The following PTPRD variants were observed in gnomAD, a reference collection of about 807,000 sequenced individuals.
PTPRD encodes the protein receptor-type tyrosine-protein phosphatase delta.
Under a neutral mutation model 214.5 loss-of-function variants are expected in PTPRD, and 34 were observed. The ratio of observed to expected loss-of-function variants is 0.16; its 90% CI spans 0.12 to 0.21. The LOEUF (loss-of-function observed/expected upper bound fraction) is 0.21, where lower values mean the gene tolerates loss of function less well. Among genes scored for constraint, PTPRD ranks in the 10% least tolerant of loss-of-function variants. The pLI is 1.00. For synonymous variants in PTPRD, 1,128 were observed against 845.7 expected, an observed-to-expected ratio of 1.33 and a Z score of -5.79; for missense variants, 2,545 against 2,398.7, an observed-to-expected ratio of 1.06 and a Z score of -1.27.
At chr9:10,596,279 C>T (rs142018101) in intron 2 of PTPRD, among the ~76,000 whole-genome samples, 150 of 151,638 alleles carry the variant, frequency 9.9e-4, no homozygotes, top group African/African-American at 3.6e-3. Flanking sequence ...ACATTGAACA[C>T]ACAAAAAGTA....
Position 10,003,342 on chromosome 9 carries a change from C to T in PTPRD, c.-472+30376G>A, listed in dbSNP as rs551391934. Among the ~76,000 whole-genome samples, 11 of 151,738 alleles carry T rather than the reference C, an allele frequency of 7.2e-5. No homozygotes were observed. The South Asian group carries it at 1.9e-3, about 26-fold the overall frequency. ...GATTTCATAAATAGATGATGCAGGA[C>T]CACTGAATAATTTTTAAGCAATAAA... On this transcript the variant is annotated intron_variant, in intron 4 of 45. Transcript: ENST00000381196.
chr9:8,602,044 C>G lies in PTPRD; in HGVS notation c.352+31273G>C, dbSNP rs753206415. Among the ~76,000 whole-genome samples, 101 of 151,974 alleles carry G rather than the reference C, an allele frequency of 6.6e-4. 1 individual carries two copies. Among genetic ancestry groups the G allele is most frequent in the Non-Finnish European group, 1.3e-3 (86 of 68,010 alleles). On this transcript the variant is annotated intron_variant, in intron 14 of 45. Coordinates refer to ENST00000381196, the MANE Select transcript of PTPRD (RefSeq NM_002839.4). Reference sequence around the variant, plus strand: ...TCAGATCTCCATCTCTACACTCAGTCACTTACACTTAGCAATGTGCTACCA... The same window carrying G: ...TCAGATCTCCATCTCTACACTCAGTGACTTACACTTAGCAATGTGCTACCA...
chr9:8,480,676 T>C (rs1373618092), intron 30 of PTPRD, among the ~76,000 whole-genome samples: 2 of 152,210 alleles, frequency 1.3e-5, no homozygotes, highest in Non-Finnish European at 2.9e-5. Context: ...ATATCAATTA[T>C]ATTTCAATAA....
At chr9:9,342,446 T>C (rs984066766) in intron 9 of PTPRD, among the ~76,000 whole-genome samples, 3 of 152,146 alleles carry the variant, frequency 2.0e-5, no homozygotes, top group African/African-American at 4.8e-5. Context: ...TGTTAGTAAA[T>C]AAAATGTATT....
intron 2 of PTPRD, among the ~76,000 whole-genome samples, chr9:10,363,534 G>A (rs2097437367): frequency 6.6e-6 from 1 of 152,170 alleles, no homozygotes; most frequent in Non-Finnish European, 1.5e-5. Context: ...ATGGTGCAAT[G>A]ATTTGTCTGG....
At chr9:9,839,310 C>T (rs2057693394) in intron 5 of PTPRD, among the ~76,000 whole-genome samples, 1 of 152,088 alleles carries the variant, frequency 6.6e-6, no homozygotes, top group Non-Finnish European at 1.5e-5. Context: ...ACCCCATTGT[C>T]TCAGCCCAAA....
chr9:8,926,071 C>A (rs10977363), intron 11 of PTPRD, among the ~76,000 whole-genome samples: 54,780 of 151,558 alleles, frequency 0.36, 9,968 homozygotes, highest in Middle Eastern at 0.41. Flanking sequence ...TCTTGCCATG[C>A]CTCATCACAC....
chr9:10,566,328 C>G (rs2065601054), intron 2 of PTPRD, among the ~76,000 whole-genome samples: 1 of 151,836 alleles, frequency 6.6e-6, no homozygotes, highest in Admixed American at 6.6e-5. Flanking sequence ...GTCAGCTTTT[C>G]TATAGAATGT....
At chr9:9,582,997 T>C (rs2091162889) in intron 7 of PTPRD, among the ~76,000 whole-genome samples, 1 of 152,050 alleles carries the variant, frequency 6.6e-6, no homozygotes, top group South Asian at 2.1e-4. Flanking sequence ...CATAACAAAA[T>C]ATGTGATTAA....
chr9:9,381,487 T>C (rs10977689), intron 9 of PTPRD, among the ~76,000 whole-genome samples: 1,956 of 151,488 alleles, frequency 0.013, 29 homozygotes, highest in East Asian at 0.074. Flanking sequence ...TGGCCTCCTG[T>C]GTAGCTAGGA....
rs560103998 is a variant in PTPRD at position 8,811,531 on chromosome 9, A to C, written c.-103-77585T>G. Among the ~76,000 whole-genome samples the C allele has an allele frequency of 2.0e-5, 3 of 152,318 alleles. No individual in the cohort carries two copies. In the South Asian group the frequency reaches 6.2e-4, roughly 32 times the overall value. ...TAACCATAACCCAAGCCCAATCGGG[A>C]AACAGTCCTGAGGTCACTAAGGAAC... On this transcript the variant is annotated intron_variant, in intron 11 of 45. Coordinates refer to ENST00000381196, the MANE Select transcript of PTPRD (RefSeq NM_002839.4).
At chr9:8,733,751 G>T in intron 12 of PTPRD, 29 bp downstream of exon 12, 5 of 1,546,600 alleles carry the variant, frequency 3.2e-6, no homozygotes, top group Non-Finnish European at 4.4e-6. Flanking sequence ...TATGGTCACA[G>T]CCCCCTAGAG....
intron 8 of PTPRD, among the ~76,000 whole-genome samples, chr9:9,557,553 TATTA>T (rs906203582): frequency 1.3e-5 from 2 of 152,138 alleles, no homozygotes; most frequent in Non-Finnish European, 2.9e-5. Context: ...ATCCAACAGA[TATTA>T]ATTAAGAAAC....
chr9:10,077,391 G>C (rs1347552351), intron 3 of PTPRD, among the ~76,000 whole-genome samples: 1 of 152,108 alleles, frequency 6.6e-6, no homozygotes, highest in Non-Finnish European at 1.5e-5. Flanking sequence ...CACTTGTGAA[G>C]CTTTTAGAAA....
chr9:10,481,304 AAAAAGT>A (rs1439760011), intron 2 of PTPRD, among the ~76,000 whole-genome samples: 2 of 152,204 alleles, frequency 1.3e-5, no homozygotes, highest in African/African-American at 4.8e-5. Context: ...TTTTTATAAT[AAAAAGT>A]AAAACAAAAC....
At chr9:9,072,467 G>A (rs564528178) in intron 10 of PTPRD, among the ~76,000 whole-genome samples, 5 of 152,276 alleles carry the variant, frequency 3.3e-5, no homozygotes, top group African/African-American at 4.8e-5. Flanking sequence ...GGCATCCTCT[G>A]CTACTTCGTT....
intron 37 of PTPRD, among the ~76,000 whole-genome samples, chr9:8,388,271 A>C (rs957068222): frequency 2.0e-5 from 3 of 152,196 alleles, no homozygotes; most frequent in African/African-American, 7.2e-5. Context: ...ACATTTACAG[A>C]ACCTCAACTT....
intron 5 of PTPRD, among the ~76,000 whole-genome samples, chr9:9,879,080 T>G (rs73400652): frequency 0.077 from 11,683 of 152,268 alleles, 1,450 homozygotes; most frequent in African/African-American, 0.26. Context: ...TAATTCTATG[T>G]TGACTATCAA....
intron 5 of PTPRD, among the ~76,000 whole-genome samples, chr9:9,877,512 G>A (rs746851619): frequency 2.0e-5 from 3 of 152,096 alleles, no homozygotes; most frequent in Admixed American, 6.6e-5. Context: ...TCTTTTTCAT[G>A]ACTCCTATGA....
Sources: gnomAD v4.1 joint callset for allele counts (sites outside exome capture counted in the v4.1 genomes callset) on GRCh38, gnomAD v4.1.1 for gene constraint, MANE v1.5 for transcripts, NCBI Gene and HGNC (gene_info 2026-07-23, HGNC 2026-07-21) for gene names.